The following ZNF217 variants were observed in gnomAD, a reference collection of about 807,000 sequenced individuals.
ZNF217 encodes zinc finger protein 217.
ZNF217 carries 12 observed loss-of-function variants against 73.3 expected under a neutral mutation model. The ratio of observed to expected loss-of-function variants is 0.16; its 90% CI spans 0.10 to 0.27. The LOEUF (loss-of-function observed/expected upper bound fraction) is 0.27, where lower values mean the gene tolerates loss of function less well. ZNF217 is among the 10% of genes least tolerant of loss of function. ZNF217 has a pLI of 1.00. For missense variants in ZNF217, 1,195 were observed against 1,327.8 expected (o/e 0.90, Z 1.55); for synonymous variants, 588 against 516.4 (o/e 1.14, Z -1.88).
chr20:53,581,381 G>C lies in ZNF217; in HGVS notation c.1366+80C>G. 2 of 1,509,278 alleles carry C rather than the reference G, an allele frequency of 1.3e-6. No homozygotes were observed. The highest frequency in any genetic ancestry group is 1.4e-5 in the African/African-American group (1 of 71,822). 93.5% of individuals were successfully genotyped at this position (1,509,278 alleles called of 1,614,324 possible). ...CCCCATTCCTGGCCAGCGTTGTCTGGAGATGGGAATAGAGAGGGGGAGACG... is the reference window on the plus strand; with the variant it reads ...CCCCATTCCTGGCCAGCGTTGTCTGCAGATGGGAATAGAGAGGGGGAGACG... On this transcript the variant is annotated intron_variant, in intron 2 of 5. Coordinates refer to ENST00000371471, the MANE Select transcript of ZNF217 (RefSeq NM_006526.3). The surrounding 1 kb of genome is among the most constrained non-coding windows in gnomAD (Gnocchi z 4.9).
intron 5 of ZNF217, 81 bp from the exon 6 acceptor site, chr20:53,569,345 T>C: frequency 9.7e-7 from 1 of 1,031,390 alleles, no homozygotes; most frequent in Non-Finnish European, 1.3e-6. Flanking sequence ...AAAAGCGTAA[T>C]ACATAGAACC....
intron 1 of ZNF217, among the ~76,000 whole-genome samples, chr20:53,591,481 TG>T (rs138909703): frequency 0.023 from 3,502 of 152,342 alleles, 146 homozygotes; most frequent in African/African-American, 0.079. Context: ...GAATCTGCCT[TG>T]GAACTACTGA....
intron 1 of ZNF217, 35 bp downstream of exon 1, chr20:53,593,718 GCCC>G: frequency 6.6e-6 from 1 of 151,248 alleles, no homozygotes; most frequent in South Asian, 2.1e-4. Context: ...CCGGGCGGGC[GCCC>G]CGGCTGGCGC....
Position 53,571,757 on chromosome 20 carries a change from T to C in ZNF217, c.3134A>G (p.Asp1045Gly). The C allele has an allele frequency of 6.2e-7, 1 of 1,610,404 alleles. No homozygotes were observed. The highest frequency in any genetic ancestry group is 8.5e-7 in the Non-Finnish European group (1 of 1,179,050). ...CTAATTAGTGAATCAAGTTTTTTTG[T>C]CATTTGGTCGATAATGTGCATTCCC... ...FIGNAHYRPN[D>G]KKT Residue 1045 changes from aspartate (D) to glycine (G), a missense_variant, in exon 5 of 6, where the codon GAC (aspartate) becomes GGC (glycine). Transcript: ENST00000371471.
chr20:53,570,908 G>A (rs1199124928), intron 5 of ZNF217, among the ~76,000 whole-genome samples: 1 of 152,130 alleles, frequency 6.6e-6, no homozygotes, highest in Non-Finnish European at 1.5e-5. Flanking sequence ...TCCATGCCTC[G>A]GTCTCATCTG....
In ZNF217 at chr20:53,576,293, T is replaced by C; in HGVS notation, c.2471A>G (p.Gln824Arg). 6.2e-7 allele frequency: 1 copy of C among 1,614,228 alleles called. No homozygotes were observed. Among genetic ancestry groups the C allele is most frequent in the South Asian group, 1.1e-5 (1 of 91,090 alleles). Residue 824 changes from glutamine (Q) to arginine (R), a missense_variant, in exon 4 of 6, where the codon CAG (glutamine) becomes CGG (arginine). By Grantham distance (43) the Gln-to-Arg change is conservative. Coordinates refer to ENST00000371471, the MANE Select transcript of ZNF217 (RefSeq NM_006526.3). ...GGCCCCTTGGACCCCCACATTCTGC[T>C]GTGGTCTGTGGGACTTCAGGTTACT... ...APSNLKSHRP[Q>R]QNVGVQGAAT...
At chr20:53,594,669 A>C (rs933997774), upstream of ZNF217, among the ~76,000 whole-genome samples, 1 of 151,882 alleles carries the variant, frequency 6.6e-6, no homozygotes, top group Non-Finnish European at 1.5e-5. Flanking sequence ...GGGTGTGCGC[A>C]GGCGCAGATC....
chr20:53,595,837 A>G (rs549944521), upstream of ZNF217, among the ~76,000 whole-genome samples: 19 of 152,362 alleles, frequency 1.2e-4, no homozygotes, highest in South Asian at 2.9e-3. Context: ...TAACTTTATG[A>G]AAACAAATGA....
At chr20:53,578,268 C>T (rs1600719985) in intron 3 of ZNF217, 66 bp downstream of exon 3, 2 of 1,139,596 alleles carry the variant, frequency 1.8e-6, no homozygotes, top group Non-Finnish European at 2.5e-6. Flanking sequence ...TGAACAACAA[C>T]AACAAAAAAA....
Position 53,576,194 on chromosome 20 carries a change from G to C in ZNF217, c.2570C>G (p.Pro857Arg), listed in dbSNP as rs759570032. The stretch of plus-strand genomic sequence containing the variant: ...TGGAAGAGGTTTCAATTTTGTCTCG[G>C]GTCTTTTTGTCTTATCCGGTGCAGG... ...VSPAPDKTKR[P>R]ETKLKPLPVA... Residue 857 changes from proline to arginine, a missense_variant, in exon 4 of 6, where the codon CCC becomes CGC. Around this residue, in one of 9 missense-constraint regions of ZNF217, gnomAD observed 649 missense variants for 642.8 expected, o/e 1.01. Coordinates refer to ENST00000371471, the MANE Select transcript of ZNF217 (RefSeq NM_006526.3). 1 of 1,614,234 alleles carries C rather than the reference G, an allele frequency of 6.2e-7. No homozygotes were observed. Among genetic ancestry groups the C allele is most frequent in the South Asian group, 1.1e-5 (1 of 91,092 alleles).
upstream of ZNF217, among the ~76,000 whole-genome samples, chr20:53,595,046 CAAAAAAAAAA>C (rs55752265): frequency 1.9e-5 from 2 of 105,210 alleles, no homozygotes; most frequent in African/African-American, 7.4e-5. Context: ...AAAAAAGGGA[CAAAAAAAAAA>C]AAAAAAAAAC....
Position 53,582,786 on chromosome 20 carries a change from A to G in ZNF217, c.41T>C (p.Leu14Pro). 1 of 1,611,838 alleles carries G rather than the reference A, an allele frequency of 6.2e-7. No homozygotes were observed. Reference sequence around the variant, plus strand: ...TTCTGGCCCATCCATGTACATTAAGAGGGATTGAGTTGGCATGTTTCCTGT... The same window carrying G: ...TTCTGGCCCATCCATGTACATTAAGGGGGATTGAGTTGGCATGTTTCCTGT... ...KVTGNMPTQS[L>P]LMYMDGPEVI... The change falls in exon 2 of 6, where the codon CTC becomes CCC. Residue 14 changes from leucine to proline, a missense_variant. Physicochemically the swap from Leu to Pro is moderately conservative, Grantham distance 98. Transcript: ENST00000371471. The surrounding 1 kb of genome is among the most constrained non-coding windows in gnomAD (Gnocchi z 4.8).
rs749716646 is a variant in ZNF217, at chr20:53,578,355, T to C, written c.1462A>G (p.Ile488Val). The change falls in exon 3 of 6, where the codon ATT becomes GTT. Residue 488 changes from isoleucine to valine, a missense_variant. By Grantham distance (29) the Ile-to-Val change is conservative. Transcript: ENST00000371471. ...KFFRSNYYLN[I>V]HLRTHTGEKP... Reference sequence around the variant, plus strand: ...TTACCTGTATGCGTTCTGAGATGAATATTGAGGTAATAATTTGAACGGAAA... The same window carrying C: ...TTACCTGTATGCGTTCTGAGATGAACATTGAGGTAATAATTTGAACGGAAA... 1 of 1,595,460 alleles carries C rather than the reference T, an allele frequency of 6.3e-7. No homozygotes were observed. Among genetic ancestry groups the C allele is most frequent in the South Asian group, 1.2e-5 (1 of 86,246 alleles).
At chr20:53,597,399 G>A (rs949092469), upstream of ZNF217, among the ~76,000 whole-genome samples, 2 of 152,146 alleles carry the variant, frequency 1.3e-5, no homozygotes, top group Non-Finnish European at 2.9e-5. Flanking sequence ...AAACCTGCCA[G>A]CATCTGCAAA....
upstream of ZNF217, chr20:53,593,988 A>C (rs1290880139): frequency 2.0e-5 from 3 of 149,954 alleles, no homozygotes; most frequent in Non-Finnish European, 4.4e-5. Flanking sequence ...GCCGCGGGCG[A>C]GGGGTGCAGC....
rs1019059989 is a variant in ZNF217, at chr20:53,571,650, G to A, written c.*23+71C>T. On this transcript the variant is annotated intron_variant, in intron 5 of 5. Transcript: ENST00000371471. The stretch of plus-strand genomic sequence containing the variant: ...TCAAATGCTCGATCTCAGGTGATCC[G>A]CCCGCCCTGACCTCCCAAATGGCCA... 30 of 1,506,720 alleles carry A rather than the reference G, an allele frequency of 2.0e-5. No homozygotes were observed. In the African/African-American group the frequency reaches 2.1e-4, roughly 11 times the overall value. The allele number at this position is 1,506,720 out of a possible 1,614,324, so 93.3% of individuals were successfully genotyped here. A position where few individuals can be genotyped will look rare whatever the true frequency, so the allele number is the denominator to read the frequency against.
intron 1 of ZNF217, among the ~76,000 whole-genome samples, chr20:53,583,817 C>A (rs1473517366): frequency 2.0e-5 from 3 of 152,256 alleles, no homozygotes; most frequent in Non-Finnish European, 4.4e-5. Flanking sequence ...TATTTTGGTT[C>A]ACTGGATATT....
rs201266347 is a variant in ZNF217, at chr20:53,575,708, G to A, written c.3037+19C>T. 2,710 of 1,539,030 alleles carry A rather than the reference G, an allele frequency of 1.8e-3. 5 individuals carry two copies. The highest frequency in any genetic ancestry group is 2.0e-3 in the Non-Finnish European group (2,327 of 1,145,860). On this transcript the variant is annotated intron_variant, in intron 4 of 5. Transcript: ENST00000371471. ...TCACTGTAGGCAGCCATTTAAACAC[G>A]ACGCCCCTCATGCAATACCTTCTAA...
rs759212064 is a variant in ZNF217 at position 53,575,715 on chromosome 20, C to T, written c.3037+12G>A. The T allele has an allele frequency of 1.0e-5, 16 of 1,548,290 alleles. No individual in the cohort carries two copies. Among genetic ancestry groups the T allele is most frequent in the Non-Finnish European group, 1.2e-5 (14 of 1,150,074 alleles). ...AGGCAGCCATTTAAACACGACGCCC[C>T]TCATGCAATACCTTCTAACGTCGAG... On this transcript the variant is annotated intron_variant, in intron 4 of 5. Coordinates refer to ENST00000371471, the MANE Select transcript of ZNF217 (RefSeq NM_006526.3).
Sources: gnomAD v4.1 joint callset for allele counts (sites outside exome capture counted in the v4.1 genomes callset) on GRCh38, gnomAD v4.1.1 for gene constraint, gnomAD v4.1.1 regional missense constraint, Gnocchi (gnomAD v3.1) non-coding constraint, MANE v1.5 for transcripts, NCBI Gene and HGNC (gene_info 2026-07-23, HGNC 2026-07-21) for gene names.